ZFHX3: variants seen among roughly 807,000 people sequenced by gnomAD.
The protein encoded by ZFHX3 is zinc finger homeobox protein 3.
In ZFHX3, 42 loss-of-function variants were observed where a neutral mutation model predicts 279.1. The observed-to-expected ratio is 0.15, with a 90% CI of 0.12 to 0.19. The LOEUF (loss-of-function observed/expected upper bound fraction) is 0.19, where lower values mean the gene tolerates loss of function less well. Among genes scored for constraint, ZFHX3 ranks in the 10% least tolerant of loss-of-function variants. The pLI is 1.00. For synonymous variants in ZFHX3, 2,293 were observed against 1,957.8 expected, an observed-to-expected ratio of 1.17 and a Z score of -4.52; for missense variants, 4,981 against 4,754.0, an observed-to-expected ratio of 1.05 and a Z score of -1.40.
chr16:73,602,748 C>T (rs993756523), intron 2 of ZFHX3, among the ~76,000 whole-genome samples: 3 of 151,480 alleles, frequency 2.0e-5, no homozygotes, highest in Admixed American at 1.3e-4. Context: ...AGTTCAAGAC[C>T]GGCCTGGCCA....
intron 2 of ZFHX3, chr16:73,679,866 C>T (rs566067363): frequency 2.0e-5 from 3 of 152,234 alleles, no homozygotes; most frequent in African/African-American, 4.8e-5. Context: ...GACTACCCAC[C>T]AACAAAATCT....
At chr16:73,715,729 G>A (rs1406878037) in intron 1 of ZFHX3, among the ~76,000 whole-genome samples, 4 of 151,838 alleles carry the variant, frequency 2.6e-5, no homozygotes, top group East Asian at 3.9e-4. Flanking sequence ...CCGCCACCAT[G>A]CCCTGCTAAT....
chr16:72,935,177 T>C (rs1960050795), intron 3 of ZFHX3, among the ~76,000 whole-genome samples: 1 of 152,202 alleles, frequency 6.6e-6, no homozygotes, highest in South Asian at 2.1e-4. Context: ...GACGTTATCC[T>C]GCGCATAGCG....
intron 1 of ZFHX3, among the ~76,000 whole-genome samples, chr16:73,762,164 T>C (rs328371): frequency 0.077 from 11,574 of 149,966 alleles, 655 homozygotes; most frequent in African/African-American, 0.16. Context: ...CATTAAAAAG[T>C]AGGCAAAGGA....
At chr16:73,085,860 C>T (rs1966005314) in intron 8 of ZFHX3, among the ~76,000 whole-genome samples, 2 of 151,536 alleles carry the variant, frequency 1.3e-5, no homozygotes, top group Admixed American at 1.3e-4. Context: ...AGCTTCTGTA[C>T]AGCAAAGGAA....
chr16:73,119,719 C>G (rs12446752), intron 7 of ZFHX3, among the ~76,000 whole-genome samples: 67,467 of 151,806 alleles, frequency 0.44, 16,609 homozygotes, highest in Middle Eastern at 0.6. Context: ...GGGTCTTGCT[C>G]TATCCCCCAG....
At chr16:73,049,261 C>T (rs952106596), upstream of ZFHX3, among the ~76,000 whole-genome samples, 7 of 152,354 alleles carry the variant, frequency 4.6e-5, no homozygotes, top group South Asian at 4.1e-4. Context: ...CAGAAAGGCA[C>T]CTGCTTTTAC....
At chr16:73,855,216 CTTTTTT>C (rs1032892286) in intron 1 of ZFHX3, among the ~76,000 whole-genome samples, 1 of 111,494 alleles carries the variant, frequency 9.0e-6, no homozygotes, top group African/African-American at 3.6e-5. Flanking sequence ...AGGCGTTAGC[CTTTTTT>C]TTTTTTTTTT....
chr16:73,286,935 T>C (rs1433041685), intron 4 of ZFHX3, among the ~76,000 whole-genome samples: 2 of 147,326 alleles, frequency 1.4e-5, no homozygotes, highest in Admixed American at 6.8e-5. Context: ...TGGGTTGGTG[T>C]GTGGCTATGT....
chr16:72,848,309 A>G (rs1322789732), intron 4 of ZFHX3, among the ~76,000 whole-genome samples: 1 of 152,056 alleles, frequency 6.6e-6, no homozygotes, highest in Non-Finnish European at 1.5e-5. Flanking sequence ...CTCCCTCTGC[A>G]GCCTATTCAC....
At chr16:73,233,719 A>C (rs1281535285) in intron 5 of ZFHX3, among the ~76,000 whole-genome samples, 1 of 151,804 alleles carries the variant, frequency 6.6e-6, no homozygotes, top group Non-Finnish European at 1.5e-5. Flanking sequence ...AACGAGCTGG[A>C]TTTTCTTTCT....
At chr16:73,240,860 A>G (rs1248818157) in intron 5 of ZFHX3, among the ~76,000 whole-genome samples, 1 of 152,250 alleles carries the variant, frequency 6.6e-6, no homozygotes, top group Non-Finnish European at 1.5e-5. Context: ...TTCCAAATAG[A>G]GAAAAGGATC....
At chr16:73,495,936 A>G (rs1363871980) in intron 2 of ZFHX3, among the ~76,000 whole-genome samples, 6 of 152,198 alleles carry the variant, frequency 3.9e-5, no homozygotes, top group Non-Finnish European at 7.3e-5. Context: ...TGTGGGTTAC[A>G]TCACTTTTCA....
At chr16:73,299,776 C>T (rs146888365) in intron 4 of ZFHX3, among the ~76,000 whole-genome samples, 10 of 152,236 alleles carry the variant, frequency 6.6e-5, no homozygotes, top group South Asian at 2.1e-4. Flanking sequence ...CAGGATTTGA[C>T]GGAAGCAAAC....
intron 1 of ZFHX3, among the ~76,000 whole-genome samples, chr16:73,746,359 C>T (rs943653241): frequency 5.9e-5 from 9 of 152,252 alleles, no homozygotes; most frequent in Middle Eastern, 6.8e-3. Context: ...CTCTTATTTA[C>T]GATTTTTATT....
chr16:72,977,342 A>G (rs2144528655), intron 1 of ZFHX3, among the ~76,000 whole-genome samples: 1 of 152,230 alleles, frequency 6.6e-6, no homozygotes, highest in East Asian at 1.9e-4. Flanking sequence ...TGACACACTC[A>G]CTGCACTGCA....
In ZFHX3 at chr16:73,175,207, C is replaced by A. The variant is rs552379004; in HGVS notation, c.-1103-31376G>T. 3.4e-4 allele frequency among the ~76,000 whole-genome samples: 51 copies of A among 152,210 alleles called. No individual in the cohort carries two copies. The East Asian group carries it at 5.2e-3, about 16-fold the overall frequency. On this transcript the variant is annotated intron_variant, in intron 5 of 17. Transcript: ENST00000641206. The stretch of plus-strand genomic sequence containing the variant: ...CCAGCCTGGCCAACATGGTGAAACC[C>A]TGTCTCTACTAAAACTAAAAAAATT...
At chr16:73,269,659 T>C (rs2014086364) in intron 4 of ZFHX3, among the ~76,000 whole-genome samples, 1 of 152,242 alleles carries the variant, frequency 6.6e-6, no homozygotes, top group Non-Finnish European at 1.5e-5. Context: ...TTTATTTCTT[T>C]TGGGTAGATA....
chr16:73,853,639 A>T (rs1434287945), intron 1 of ZFHX3, among the ~76,000 whole-genome samples: 2 of 152,212 alleles, frequency 1.3e-5, no homozygotes, highest in Non-Finnish European at 2.9e-5. Flanking sequence ...AGGTACAATG[A>T]ACATAAAGAT....
Sources: gnomAD v4.1 joint callset for allele counts (sites outside exome capture counted in the v4.1 genomes callset) on GRCh38, gnomAD v4.1.1 for gene constraint, MANE v1.5 for transcripts, NCBI Gene and HGNC (gene_info 2026-07-23, HGNC 2026-07-21) for gene names.